MMP26: variants seen among roughly 807,000 people sequenced by gnomAD.
MMP26 encodes matrix metallopeptidase 26.
Under a neutral mutation model 31.0 loss-of-function variants are expected in MMP26, and 33 were observed. That is an observed-to-expected ratio of 1.06 (90% CI 0.81 to 1.42). The LOEUF is 1.42. MMP26 is among the 40% of genes most tolerant of loss of function. The pLI is 0.00. For synonymous variants in MMP26, 122 were observed against 114.9 expected, an observed-to-expected ratio of 1.06 and a Z score of -0.40; for missense variants, 347 against 316.1, an observed-to-expected ratio of 1.10 and a Z score of -0.74.
intron 1 of MMP26, among the ~76,000 whole-genome samples, chr11:4,732,380 A>T (rs988204704): frequency 1.3e-5 from 2 of 152,012 alleles, no homozygotes; most frequent in Non-Finnish European, 2.9e-5. Flanking sequence ...GGAATCTTTA[A>T]TTCTTTTTTA....
chr11:4,869,180 C>T (rs1431127028), intron 2 of MMP26, among the ~76,000 whole-genome samples: 2 of 152,118 alleles, frequency 1.3e-5, no homozygotes, highest in Non-Finnish European at 2.9e-5. Flanking sequence ...GTCTAAAACA[C>T]CAAAAGCAAT....
intron 2 of MMP26, among the ~76,000 whole-genome samples, chr11:4,791,296 T>C (rs1849023007): frequency 6.6e-6 from 1 of 152,224 alleles, no homozygotes; most frequent in African/African-American, 2.4e-5. Flanking sequence ...TTCTTTGAAT[T>C]AATCCTTTAG....
intron 1 of MMP26, among the ~76,000 whole-genome samples, chr11:4,755,442 A>G (rs998872199): frequency 9.9e-5 from 15 of 152,036 alleles, no homozygotes; most frequent in Admixed American, 9.8e-4. Flanking sequence ...AAAGTTGGGA[A>G]CGAGCCATTT....
intron 2 of MMP26, among the ~76,000 whole-genome samples, chr11:4,842,154 C>T (rs1257055795): frequency 6.6e-6 from 1 of 151,952 alleles, no homozygotes; most frequent in African/African-American, 2.4e-5. Context: ...ACATAGACAG[C>T]ACAATAAGGT....
chr11:4,856,052 T>C (rs1029115688), intron 2 of MMP26, among the ~76,000 whole-genome samples: 2 of 152,158 alleles, frequency 1.3e-5, no homozygotes, highest in African/African-American at 4.8e-5. Context: ...AGGCCTGCCT[T>C]ACAAGAGCTC....
At chr11:4,953,500 G>T (rs1257508119) in intron 2 of MMP26, among the ~76,000 whole-genome samples, 1 of 105,644 alleles carries the variant, frequency 9.5e-6, no homozygotes, top group Non-Finnish European at 2.2e-5. Flanking sequence ...AGATAAAAGA[G>T]AGGGTCATAA....
chr11:4,907,836 T>TGAAG, intron 2 of MMP26: 1 of 1,613,816 alleles, frequency 6.2e-7, no homozygotes. Flanking sequence ...ATTCTCTTAG[T>TGAAG]GATTCCATTT....
intron 2 of MMP26, among the ~76,000 whole-genome samples, chr11:4,891,019 A>AATAATC (rs1429762025): frequency 1.3e-5 from 2 of 148,320 alleles, no homozygotes; most frequent in Non-Finnish European, 3.0e-5. Flanking sequence ...TAATAATAAT[A>AATAATC]ATAATAAAAG....
intron 2 of MMP26, among the ~76,000 whole-genome samples, chr11:4,831,702 G>A (rs1162875136): frequency 3.9e-5 from 6 of 152,246 alleles, no homozygotes; most frequent in East Asian, 3.9e-4. Flanking sequence ...TAAGTGCTGT[G>A]ACTATAGCAT....
At chr11:4,803,748 G>A (rs763625291) in intron 2 of MMP26, 1 of 1,613,568 alleles carries the variant, frequency 6.2e-7, no homozygotes, top group Non-Finnish European at 8.5e-7. Context: ...TCATATCAAA[G>A]CCAGCCACAG....
At chr11:4,857,333 A>C (rs1194897385) in intron 2 of MMP26, among the ~76,000 whole-genome samples, 1 of 152,170 alleles carries the variant, frequency 6.6e-6, no homozygotes, top group Non-Finnish European at 1.5e-5. Flanking sequence ...TGCTAGCAAG[A>C]CTAATAAAGA....
At chr11:4,780,143 T>C (rs1433268581) in intron 2 of MMP26, among the ~76,000 whole-genome samples, 1 of 152,196 alleles carries the variant, frequency 6.6e-6, no homozygotes, top group African/African-American at 2.4e-5. Context: ...ACTACAAATA[T>C]TGTTATTGTA....
intron 2 of MMP26, among the ~76,000 whole-genome samples, chr11:4,852,955 A>G (rs768260526): frequency 9.9e-5 from 15 of 152,210 alleles, no homozygotes; most frequent in Non-Finnish European, 1.8e-4. Flanking sequence ...CAGACACAGT[A>G]AGAAAAATGC....
intron 4 of MMP26, among the ~76,000 whole-genome samples, chr11:4,990,144 G>C (rs554865674): frequency 1.3e-5 from 2 of 152,116 alleles, no homozygotes; most frequent in Admixed American, 6.5e-5. Context: ...TGGTTCTAAG[G>C]TACAATTTTG....
chr11:4,934,168 G>C (rs1297584548), intron 2 of MMP26, among the ~76,000 whole-genome samples: 18 of 138,876 alleles, frequency 1.3e-4, no homozygotes, highest in Admixed American at 1.0e-3. Context: ...CACAATGGTT[G>C]AACTAGTTTA....
chr11:4,956,725 C>A (rs1193693738), intron 2 of MMP26, among the ~76,000 whole-genome samples: 1 of 152,092 alleles, frequency 6.6e-6, no homozygotes, highest in African/African-American at 2.4e-5. Flanking sequence ...ACTAAATATC[C>A]CTTAAAACCA....
chr11:4,790,357 A>G (rs1849009248), intron 2 of MMP26, among the ~76,000 whole-genome samples: 1 of 152,146 alleles, frequency 6.6e-6, no homozygotes, highest in Non-Finnish European at 1.5e-5. Context: ...TCAAAAACAA[A>G]CAAACAAAAA....
At chr11:4,743,934 C>A (rs1245388875) in intron 1 of MMP26, among the ~76,000 whole-genome samples, 4 of 152,042 alleles carry the variant, frequency 2.6e-5, no homozygotes, top group African/African-American at 9.7e-5. Flanking sequence ...ACCTCCTGAG[C>A]AGGTAGGATC....
At chr11:4,833,802 G>A (rs1318926320) in intron 2 of MMP26, among the ~76,000 whole-genome samples, 1 of 152,154 alleles carries the variant, frequency 6.6e-6, no homozygotes, top group African/African-American at 2.4e-5. Flanking sequence ...GAAGGGCCAT[G>A]GCACTTGACA....
Sources: allele counts gnomAD v4.1 joint callset (sites outside exome capture counted in the v4.1 genomes callset), GRCh38; gene constraint gnomAD v4.1.1; transcripts MANE v1.5; gene names NCBI Gene and HGNC (gene_info 2026-07-23, HGNC 2026-07-21).